The following XK variants were observed in gnomAD, a reference collection of about 807,000 sequenced individuals.
XK encodes X-linked Kx blood group antigen, Kell and VPS13A binding protein.
XK carries 2 observed loss-of-function variants against 14.0 expected under a neutral mutation model. That is an observed-to-expected ratio of 0.14 (90% CI 0.06 to 0.45). The LOEUF is 0.45. XK is among the 20% of genes least tolerant of loss of function. The pLI is 0.98. For missense variants in XK, 235 were observed against 341.5 expected, an observed-to-expected ratio of 0.69 and a Z score of 2.46; for synonymous variants, 149 against 147.5, an observed-to-expected ratio of 1.01 and a Z score of -0.08.
rs1333706475 is a variant in XK at position 37,730,663 on chromosome X, T to G, written c.*2201T>G. The G allele has an allele frequency of 2.7e-5, 3 of 112,422 alleles. No homozygotes were observed. Among genetic ancestry groups the G allele is most frequent in the Admixed American group, 9.4e-5 (1 of 10,641 alleles). 9.3% of individuals were successfully genotyped at this position (112,422 alleles called of 1,213,427 possible). A position where few individuals can be genotyped will look rare whatever the true frequency, so the allele number is the denominator to read the frequency against. On this transcript the variant is annotated 3_prime_UTR_variant, in exon 3 of 3. Transcript: ENST00000378616. Reference sequence around the variant, plus strand: ...CAGCTCAGGCCTTGGGAGTGAGGTGTGGGAGTAGCCACCAGCCTCCCACTG... The same window carrying G: ...CAGCTCAGGCCTTGGGAGTGAGGTGGGGGAGTAGCCACCAGCCTCCCACTG...
intron 2 of XK, among the ~76,000 whole-genome samples, chrX:37,721,924 T>A (rs1927881681): frequency 9.0e-6 from 1 of 110,953 alleles, no homozygotes; most frequent in Admixed American, 9.6e-5. Flanking sequence ...AACCTTATGG[T>A]GAGTGAAAGA....
rs782351290 is a variant in XK at position 37,705,241 on chromosome X, C to G, written c.508+10693C>G. Among the ~76,000 whole-genome samples the G allele has an allele frequency of 3.2e-3, 345 of 108,812 alleles. 3 individuals are homozygous for G. Among genetic ancestry groups the G allele is most frequent in the African/African-American group, 0.011 (319 of 29,740 alleles). 94.5% of individuals were successfully genotyped at this position (108,812 alleles called of 115,157 possible). On this transcript the variant is annotated intron_variant, in intron 2 of 2. Coordinates refer to ENST00000378616, the MANE Select transcript of XK (RefSeq NM_021083.4). Reference sequence around the variant, plus strand: ...CGGGCGGATCACGAGGTCAGGAGATCAAGACCATCCTGGCTAACATGGTGA... The same window carrying G: ...CGGGCGGATCACGAGGTCAGGAGATGAAGACCATCCTGGCTAACATGGTGA...
rs188177480 is a variant in XK, at chrX:37,697,184, A to G, written c.508+2636A>G. Among the ~76,000 whole-genome samples the G allele has an allele frequency of 6.9e-3, 777 of 111,945 alleles. 3 individuals carry two copies. The highest frequency in any genetic ancestry group is 0.012 in the Non-Finnish European group (641 of 53,105). ...TTAAATATATAGATTACCAGGATTC[A>G]TCTCTGGAAATTGTGATTTGCTGTG... On this transcript the variant is annotated intron_variant, in intron 2 of 2. Coordinates refer to ENST00000378616, the MANE Select transcript of XK (RefSeq NM_021083.4).
At chrX:37,715,926 C>T (rs1927757433) in intron 2 of XK, among the ~76,000 whole-genome samples, 1 of 111,114 alleles carries the variant, frequency 9.0e-6, no homozygotes, top group Non-Finnish European at 1.9e-5. Flanking sequence ...AGAGTTTTCA[C>T]TTAGGTTTGG....
intron 2 of XK, among the ~76,000 whole-genome samples, chrX:37,710,234 G>T (rs1001952837): frequency 9.0e-6 from 1 of 111,707 alleles, no homozygotes; most frequent in Non-Finnish European, 1.9e-5. Flanking sequence ...AATTTGTAGA[G>T]AGAGGATTTC....
At chrX:37,712,870 C>G (rs781980734) in intron 2 of XK, among the ~76,000 whole-genome samples, 35 of 111,917 alleles carry the variant, frequency 3.1e-4, no homozygotes, top group Non-Finnish European at 6.2e-4. Context: ...CAACTAAAAG[C>G]AATTTAAAAT....
At position 37,685,892 on chromosome X, in the gene XK, CCGCCGCCG is replaced by C. The variant is rs1408073109; in HGVS notation, c.-68_-61del. The C allele has an allele frequency of 1.8e-6, 2 of 1,128,492 alleles. No individual in the cohort carries two copies. Among genetic ancestry groups the C allele is most frequent in the Admixed American group, 2.6e-5 (1 of 39,161 alleles). The allele number at this position is 1,128,492 out of a possible 1,213,427, so 93.0% of individuals were successfully genotyped here. A position where few individuals can be genotyped will look rare whatever the true frequency, so the allele number is the denominator to read the frequency against. On this transcript the variant is annotated 5_prime_UTR_variant, in exon 1 of 3. The change creates a premature stop within an existing upstream ORF in the 5' untranslated region. Transcript: ENST00000378616. ...ATGCTGGGAGCCCCTCGGGCAACGGCCGCCGCCGCCACAGCCACACAGCCGCCGCCACT... is the reference window on the plus strand; with the variant it reads ...ATGCTGGGAGCCCCTCGGGCAACGGCCCACAGCCACACAGCCGCCGCCACT...
intron 2 of XK, among the ~76,000 whole-genome samples, chrX:37,701,652 T>C (rs1324731620): frequency 8.9e-6 from 1 of 112,652 alleles, no homozygotes; most frequent in Non-Finnish European, 1.9e-5. Context: ...TCTTTAGTTT[T>C]CCCAAAGATT....
At chrX:37,707,890 C>T (rs1172029054) in intron 2 of XK, among the ~76,000 whole-genome samples, 4 of 112,349 alleles carry the variant, frequency 3.6e-5, no homozygotes, top group South Asian at 3.6e-4. Flanking sequence ...GCCAAGATCA[C>T]GCCACCGCAC....
chrX:37,697,667 A>G (rs1328766035), intron 2 of XK, among the ~76,000 whole-genome samples: 2 of 112,301 alleles, frequency 1.8e-5, no homozygotes, highest in Non-Finnish European at 3.8e-5. Context: ...CTTCATTGCA[A>G]TATAATTCAT....
chrX:37,686,719 T>C (rs1556440258), intron 1 of XK, among the ~76,000 whole-genome samples: 1 of 111,633 alleles, frequency 9.0e-6, no homozygotes, highest in African/African-American at 3.3e-5. Flanking sequence ...AAGAAATCCA[T>C]GCACCATTCT....
intron 2 of XK, among the ~76,000 whole-genome samples, chrX:37,715,677 TAAC>T (rs1379953659): frequency 8.9e-6 from 1 of 112,030 alleles, no homozygotes; most frequent in Non-Finnish European, 1.9e-5. Flanking sequence ...CTTACATTTC[TAAC>T]AACAATTCCA....
At chrX:37,702,667 C>A (rs1253800564) in intron 2 of XK, among the ~76,000 whole-genome samples, 1 of 111,738 alleles carries the variant, frequency 8.9e-6, no homozygotes, top group African/African-American at 3.3e-5. Context: ...ACATTCCTTC[C>A]ACACTCTTCC....
At chrX:37,705,189 T>C (rs1215557734) in intron 2 of XK, among the ~76,000 whole-genome samples, 7 of 110,649 alleles carry the variant, frequency 6.3e-5, no homozygotes, top group South Asian at 3.9e-4. Context: ...CTCACGCCTG[T>C]AATCCCAGCA....
intron 2 of XK, among the ~76,000 whole-genome samples, chrX:37,722,648 A>AT (rs1467056928): frequency 5.4e-5 from 6 of 112,082 alleles, no homozygotes; most frequent in Non-Finnish European, 1.1e-4. Context: ...TCATTCACTA[A>AT]TTTTTTTGAA....
chrX:37,711,077 T>C (rs1927654499), intron 2 of XK, among the ~76,000 whole-genome samples: 1 of 112,179 alleles, frequency 8.9e-6, no homozygotes, highest in African/African-American at 3.2e-5. Flanking sequence ...CAGCAAATTC[T>C]CTCAAAAAGT....
At chrX:37,698,779 C>G (rs782066557) in intron 2 of XK, among the ~76,000 whole-genome samples, 1 of 111,285 alleles carries the variant, frequency 9.0e-6, no homozygotes, top group South Asian at 3.8e-4. Context: ...AATTATTAAT[C>G]AAATGCATAT....
At chrX:37,700,275 A>G (rs1288306684) in intron 2 of XK, among the ~76,000 whole-genome samples, 1 of 111,727 alleles carries the variant, frequency 9.0e-6, no homozygotes, top group African/African-American at 3.3e-5. Context: ...TGTACCCACC[A>G]TCAGGTTGAT....
At chrX:37,707,960 T>C (rs782079647) in intron 2 of XK, among the ~76,000 whole-genome samples, 2 of 112,608 alleles carry the variant, frequency 1.8e-5, no homozygotes, top group South Asian at 7.2e-4. Context: ...TCCCGGCCCC[T>C]CGGGAGGCCA....
Sources: allele counts gnomAD v4.1 joint callset (sites outside exome capture counted in the v4.1 genomes callset), GRCh38; gene constraint gnomAD v4.1.1; transcripts MANE v1.5; gene names NCBI Gene and HGNC (gene_info 2026-07-23, HGNC 2026-07-21).